Variants in PIGU observed in about 807,000 individuals in gnomAD.
PIGU encodes the protein phosphatidylinositol glycan anchor biosynthesis class U.
In PIGU, 24 loss-of-function variants were observed where a neutral mutation model predicts 49.9. The observed-to-expected ratio is 0.48, with a 90% CI of 0.35 to 0.68. The LOEUF is 0.68. Ranked by LOEUF, PIGU falls within the 30% of genes least tolerant of loss-of-function variation. The pLI is 0.01. For missense variants in PIGU, 490 were observed against 532.6 expected, an observed-to-expected ratio of 0.92 and a Z score of 0.79; for synonymous variants, 220 against 205.7, an observed-to-expected ratio of 1.07 and a Z score of -0.59.
At chr20:34,648,630 C>G (rs1369617250) in intron 2 of PIGU, among the ~76,000 whole-genome samples, 1 of 152,052 alleles carries the variant, frequency 6.6e-6, no homozygotes, top group Non-Finnish European at 1.5e-5. Flanking sequence ...CTCACTGAAG[C>G]CTTGACCTCC....
chr20:34,616,257 C>T (rs938473055), intron 6 of PIGU, 118 bp from the exon 7 acceptor site: 2 of 1,103,442 alleles, frequency 1.8e-6, no homozygotes, highest in Admixed American at 6.2e-5. Context: ...TGCCAAGTGC[C>T]TCCTGGTACA....
intron 11 of PIGU, among the ~76,000 whole-genome samples, chr20:34,571,850 C>G (rs1452863046): frequency 6.6e-6 from 1 of 152,200 alleles, no homozygotes; most frequent in Non-Finnish European, 1.5e-5. Flanking sequence ...GCTCTCTTAC[C>G]TCAGTCAGCG....
chr20:34,657,974 G>A (rs1403103220), intron 1 of PIGU, among the ~76,000 whole-genome samples: 4 of 100,178 alleles, frequency 4.0e-5, no homozygotes, highest in Admixed American at 9.7e-5. Context: ...CTCTCTCCAC[G>A]GTCTCCCTCT....
In PIGU at chr20:34,676,916, C is replaced by G. The variant is rs745544309; in HGVS notation, c.130+40G>C. The stretch of plus-strand genomic sequence containing the variant: ...CCCATTCACAGAGGCCGCGGGAGGG[C>G]AGGTGGGGCCTGACAGTCTGCTCGA... On this transcript the variant is annotated intron_variant, in intron 1 of 11. Transcript: ENST00000217446. 4.0e-4 allele frequency: 625 copies of G among 1,554,752 alleles called. 2 individuals are homozygous for G. Among genetic ancestry groups the G allele is most frequent in the Non-Finnish European group, 3.3e-4 (383 of 1,149,736 alleles).
intron 10 of PIGU, among the ~76,000 whole-genome samples, chr20:34,577,238 C>T (rs1983272759): frequency 6.6e-6 from 1 of 152,346 alleles, no homozygotes; most frequent in Non-Finnish European, 1.5e-5. Context: ...CTTCTCTTCT[C>T]TGATACTGAC....
chr20:34,623,387 G>T (rs1230180485), intron 6 of PIGU, among the ~76,000 whole-genome samples: 1 of 151,784 alleles, frequency 6.6e-6, no homozygotes, highest in Non-Finnish European at 1.5e-5. Context: ...TGATAACGAT[G>T]ATAATTTATT....
intron 6 of PIGU, among the ~76,000 whole-genome samples, chr20:34,632,646 T>A (rs891853014): frequency 1.3e-5 from 2 of 152,148 alleles, no homozygotes; most frequent in African/African-American, 4.8e-5. Flanking sequence ...ATTACAGGTG[T>A]AAGCCACTGC....
At chr20:34,582,610 T>C (rs1450758175) in intron 9 of PIGU, among the ~76,000 whole-genome samples, 1 of 151,796 alleles carries the variant, frequency 6.6e-6, no homozygotes, top group African/African-American at 2.4e-5. Flanking sequence ...TGCCAGGAGG[T>C]TGAGGCTGCA....
intron 6 of PIGU, among the ~76,000 whole-genome samples, chr20:34,620,107 A>G (rs540932961): frequency 6.6e-6 from 1 of 152,282 alleles, no homozygotes; most frequent in African/African-American, 2.4e-5. Context: ...AAAACAGTTT[A>G]GATTGTGGCT....
intron 11 of PIGU, among the ~76,000 whole-genome samples, chr20:34,564,171 A>G (rs528251381): frequency 3.3e-5 from 5 of 152,314 alleles, no homozygotes; most frequent in Non-Finnish European, 4.4e-5. Context: ...GACTGGAACA[A>G]CAGGAAATCC....
chr20:34,632,862 A>G (rs1985831746), intron 6 of PIGU, among the ~76,000 whole-genome samples: 1 of 152,122 alleles, frequency 6.6e-6, no homozygotes. Flanking sequence ...GATGTGTGAG[A>G]AAAATCTCCA....
At chr20:34,595,939 G>A (rs540669499) in intron 7 of PIGU, among the ~76,000 whole-genome samples, 17 of 152,240 alleles carry the variant, frequency 1.1e-4, no homozygotes, top group Non-Finnish European at 1.8e-4. Context: ...TTAGCTGGGC[G>A]TGGTAGTGCT....
At chr20:34,645,113 G>A (rs1423368541) in intron 3 of PIGU, among the ~76,000 whole-genome samples, 162 bp downstream of exon 3, 15 of 150,842 alleles carry the variant, frequency 9.9e-5, no homozygotes, top group Admixed American at 4.0e-4. Context: ...CAGCAGCTGA[G>A]GAGGCTGAAA....
At chr20:34,674,636 A>C (rs147961885) in intron 1 of PIGU, among the ~76,000 whole-genome samples, 1,643 of 152,210 alleles carry the variant, frequency 0.011, 113 homozygotes, top group Admixed American at 0.097. Flanking sequence ...CTCATAATAT[A>C]GTGGAAAAGG....
intron 9 of PIGU, among the ~76,000 whole-genome samples, chr20:34,584,501 GTTC>G (rs1983614651): frequency 8.0e-6 from 1 of 125,064 alleles, no homozygotes; most frequent in African/African-American, 3.0e-5. Context: ...CACAACTCCT[GTTC>G]TTTTTTTTTT....
chr20:34,567,534 C>G (rs1273137818), intron 11 of PIGU, among the ~76,000 whole-genome samples: 1 of 152,186 alleles, frequency 6.6e-6, no homozygotes, highest in Admixed American at 6.5e-5. Context: ...TCAACCTCCC[C>G]TAGCCTCGTC....
chr20:34,671,016 C>A (rs1987290354), intron 1 of PIGU, among the ~76,000 whole-genome samples: 1 of 152,184 alleles, frequency 6.6e-6, no homozygotes, highest in Admixed American at 6.5e-5. Context: ...TGACAGATAT[C>A]TAAACAAGAT....
chr20:34,676,003 T>C (rs1306119272), intron 1 of PIGU, among the ~76,000 whole-genome samples: 1 of 150,402 alleles, frequency 6.6e-6, no homozygotes, highest in Non-Finnish European at 1.5e-5. Context: ...TAATATGCAT[T>C]GTATGTATAC....
intron 1 of PIGU, among the ~76,000 whole-genome samples, chr20:34,661,276 CAT>C (rs1986919051): frequency 6.6e-6 from 1 of 151,916 alleles, no homozygotes; most frequent in South Asian, 2.1e-4. Context: ...AATTGCATGT[CAT>C]AGAGGTTTGG....
Sources: gnomAD v4.1 joint callset for allele counts (sites outside exome capture counted in the v4.1 genomes callset) on GRCh38, gnomAD v4.1.1 for gene constraint, MANE v1.5 for transcripts, NCBI Gene and HGNC (gene_info 2026-07-23, HGNC 2026-07-21) for gene names.